NFKB1: variants seen among roughly 807,000 people sequenced by gnomAD.
NFKB1 encodes the protein nuclear factor NF-kappa-B p105 subunit.
A neutral mutation model predicts 105.1 loss-of-function variants in NFKB1; 9 were observed. The observed-to-expected ratio is 0.09, with a 90% CI of 0.05 to 0.15. The LOEUF is 0.15. Among genes scored for constraint, NFKB1 ranks in the 10% least tolerant of loss-of-function variants. The probability of loss-of-function intolerance (pLI) is 1.00; values close to 1 mark genes in which losing one functional copy is unlikely to be tolerated. For missense variants in NFKB1, 830 were observed against 1,203.7 expected (o/e 0.69, Z 4.59); for synonymous variants, 440 against 442.2 (o/e 1.00, Z 0.06).
chr4:102,577,000 T>A lies in NFKB1; in HGVS notation c.532T>A (p.Tyr178Asn), dbSNP rs1425802039. The A allele has an allele frequency of 3.7e-6, 6 of 1,613,022 alleles. No homozygotes were observed. Among genetic ancestry groups the A allele is most frequent in the Non-Finnish European group, 5.1e-6 (6 of 1,179,750 alleles). ...PGLLVHPDLAYLQAEGGGDRQ... is the reference protein window; with the variant it reads ...PGLLVHPDLANLQAEGGGDRQ... ...ACTCTTGGTGCACCCTGACCTTGCC[T>A]ATTTGCAAGCAGAAGGTGGAGGGGA... The change falls in exon 7 of 24, where the codon TAT (tyrosine) becomes AAT (asparagine). Residue 178 changes from tyrosine (Y) to asparagine (N), a missense_variant. Transcript: ENST00000226574.
chr4:102,509,533 G>A (rs957517296), intron 1 of NFKB1, among the ~76,000 whole-genome samples: 2 of 152,246 alleles, frequency 1.3e-5, no homozygotes, highest in Admixed American at 6.5e-5. Context: ...GTCATTCAAG[G>A]CAAGCTACAG....
intron 1 of NFKB1, among the ~76,000 whole-genome samples, chr4:102,516,065 G>A (rs1445371546): frequency 1.3e-5 from 2 of 151,504 alleles, no homozygotes; most frequent in African/African-American, 4.9e-5. Flanking sequence ...CCTTTACATT[G>A]CCTTCTAGCT....
At chr4:102,611,280 A>G (rs1041841960) in intron 20 of NFKB1, among the ~76,000 whole-genome samples, 3 of 152,130 alleles carry the variant, frequency 2.0e-5, no homozygotes, top group Admixed American at 6.5e-5. Flanking sequence ...TCTTCTAGAG[A>G]CGAGAGCTGC....
chr4:102,555,430 TAGAG>T (rs1722917218), intron 5 of NFKB1, among the ~76,000 whole-genome samples: 2 of 152,324 alleles, frequency 1.3e-5, no homozygotes, highest in African/African-American at 4.8e-5. Flanking sequence ...ATCCATTTAA[TAGAG>T]AGACGAAGAT....
intron 1 of NFKB1, among the ~76,000 whole-genome samples, chr4:102,506,546 T>A (rs1442895434): frequency 6.6e-6 from 1 of 152,220 alleles, no homozygotes; most frequent in East Asian, 1.9e-4. Flanking sequence ...TAGCACAGTT[T>A]GTTCATTATT....
intron 1 of NFKB1, among the ~76,000 whole-genome samples, chr4:102,523,186 A>C (rs1740678690): frequency 1.3e-5 from 2 of 152,170 alleles, no homozygotes; most frequent in South Asian, 2.1e-4. Flanking sequence ...AGAACTCTTA[A>C]ATTTCAAGCG....
chr4:102,613,456 A>C lies in NFKB1; in HGVS notation c.2624A>C (p.Glu875Ala). The C allele has an allele frequency of 6.2e-7, 1 of 1,613,870 alleles. No homozygotes were observed. Among genetic ancestry groups the C allele is most frequent in the Non-Finnish European group, 8.5e-7 (1 of 1,179,950 alleles). Residue 875 changes from glutamate (E) to alanine (A), a missense_variant, in exon 23 of 24, where the codon GAG becomes GCG. Around this residue, in one of 8 missense-constraint regions of NFKB1, gnomAD observed 418 missense variants for 575.3 expected, o/e 0.73. Coordinates refer to ENST00000226574, the MANE Select transcript of NFKB1 (RefSeq NM_003998.4). ...VSGGTVRELV[E>A]ALRQMGYTEA... ...GGGGGTACAGTCAGAGAGCTGGTGG[A>C]GGCCCTGAGACAAATGGGCTACACC...
At chr4:102,605,889 AT>A (rs1727676027) in intron 16 of NFKB1, among the ~76,000 whole-genome samples, 1 of 152,230 alleles carries the variant, frequency 6.6e-6, no homozygotes, top group South Asian at 2.1e-4. Flanking sequence ...TCAGCATAGA[AT>A]CATGGCACTT....
At position 102,510,843 on chromosome 4, in the gene NFKB1, G is replaced by A. The variant is rs867846969; in HGVS notation, c.-8+9055G>A. On this transcript the variant is annotated intron_variant, in intron 1 of 23. Coordinates refer to ENST00000226574, the MANE Select transcript of NFKB1 (RefSeq NM_003998.4). ...TGGAGGGAGAAGAAGGGGAGGTGGTGGTAGTATGAGCTGAATCCTCCTCTG... is the reference window on the plus strand; with the variant it reads ...TGGAGGGAGAAGAAGGGGAGGTGGTAGTAGTATGAGCTGAATCCTCCTCTG... The A allele has an allele frequency of 8.2e-5, 62 of 751,612 alleles. No homozygotes were observed. The Middle Eastern group carries it at 3.4e-3, about 41-fold the overall frequency. The allele number at this position is 751,612 out of a possible 1,614,324, so 46.6% of individuals were successfully genotyped here.
intron 5 of NFKB1, among the ~76,000 whole-genome samples, chr4:102,542,171 C>G (rs230521): frequency 0.59 from 89,207 of 151,958 alleles, 26,371 homozygotes; most frequent in Middle Eastern, 0.71. Flanking sequence ...GCATTTTCTA[C>G]TGGAATAGTG....
intron 16 of NFKB1, among the ~76,000 whole-genome samples, chr4:102,605,748 A>ATG (rs1727663420): frequency 6.6e-6 from 1 of 152,152 alleles, no homozygotes; most frequent in East Asian, 1.9e-4. Flanking sequence ...AGATACTTGT[A>ATG]TTATCCTGGT....
intron 5 of NFKB1, among the ~76,000 whole-genome samples, chr4:102,551,364 G>GCGCGCGCGCA (rs1481555874): frequency 2.2e-5 from 2 of 88,908 alleles, no homozygotes; most frequent in Admixed American, 9.5e-5. Flanking sequence ...GTGTGTGTGT[G>GCGCGCGCGCA]TGTGCGCGCG....
Position 102,607,169 on chromosome 4 carries a change from A to G in NFKB1, c.1974A>G (p.Leu658=). 1 of 1,614,106 alleles carries G rather than the reference A, an allele frequency of 6.2e-7. No individual in the cohort carries two copies. The highest frequency in any genetic ancestry group is 8.5e-7 in the Non-Finnish European group (1 of 1,180,018). ...CTCTAGGTCTGAATGCCATTCATCT[A>G]GCCATGATGAGCAATAGCCTGCCAT... ...PNGDGLNAIH[L]AMMSNSLPCL... is the part of the protein sequence containing the mutation. The change falls in exon 18 of 24, where the codon CTA becomes CTG. Residue 658 remains leucine (L), a synonymous_variant. Transcript: ENST00000226574.
intron 6 of NFKB1, among the ~76,000 whole-genome samples, 178 bp from the exon 7 acceptor site, chr4:102,576,698 G>T (rs1178051074): frequency 6.6e-6 from 1 of 151,950 alleles, no homozygotes; most frequent in African/African-American, 2.4e-5. Context: ...GCCATATATT[G>T]CCTTTTTAAC....
intron 14 of NFKB1, among the ~76,000 whole-genome samples, chr4:102,596,665 C>G (rs1273683584): frequency 6.6e-6 from 1 of 151,946 alleles, no homozygotes; most frequent in African/African-American, 2.4e-5. Flanking sequence ...TAATAGTCAC[C>G]CTGTCTAGAT....
Position 102,567,044 on chromosome 4 carries a change from A to C in NFKB1, c.316A>C (p.Asn106His). 6.2e-7 allele frequency: 1 copy of C among 1,614,026 alleles called. No homozygotes were observed. Among genetic ancestry groups the C allele is most frequent in the Non-Finnish European group, 8.5e-7 (1 of 1,179,918 alleles). Reference protein sequence around the residue: ...VIVQLVTNGKNIHLHAHSLVG... With the variant: ...VIVQLVTNGKHIHLHAHSLVG... ...TGTTCAGTTGGTCACAAATGGAAAA[A>C]ATATCCACCTGCATGCCCACAGCCT... Residue 106 changes from asparagine to histidine, a missense_variant, in exon 6 of 24, where the codon AAT (asparagine) becomes CAT (histidine). Coordinates refer to ENST00000226574, the MANE Select transcript of NFKB1 (RefSeq NM_003998.4).
Position 102,584,801 on chromosome 4 carries a change from C to G in NFKB1, c.1047C>G (p.Leu349=). The change falls in exon 11 of 24, where the codon CTC becomes CTG. Residue 349 remains leucine, a synonymous_variant. Coordinates refer to ENST00000226574, the MANE Select transcript of NFKB1 (RefSeq NM_003998.4). ...AAACTAGTGAACCAAAACCTTTCCT[C>G]TACTATCCTGAAATCAAAGGTAAGT... The part of the protein sequence containing the change: ...DLETSEPKPF[L]YYPEIKDKEE... 5.6e-6 allele frequency: 9 copies of G among 1,609,574 alleles called. No homozygotes were observed. The highest frequency in any genetic ancestry group is 7.6e-6 in the Non-Finnish European group (9 of 1,178,274).
At chr4:102,525,699 A>G (rs1740866570) in intron 2 of NFKB1, 142 bp downstream of exon 2, 5 of 729,606 alleles carry the variant, frequency 6.9e-6, no homozygotes, top group Non-Finnish European at 1.1e-5. Context: ...CTGTCCTTTC[A>G]TGTGAAGTTG....
chr4:102,566,451 C>T (rs1487037421), intron 5 of NFKB1, among the ~76,000 whole-genome samples: 7 of 152,196 alleles, frequency 4.6e-5, no homozygotes, highest in Admixed American at 4.6e-4. Context: ...GCCAAGTCCT[C>T]AGGCTTGAGT....
Sources: allele counts gnomAD v4.1 joint callset (sites outside exome capture counted in the v4.1 genomes callset), GRCh38; gene constraint gnomAD v4.1.1; regional missense constraint gnomAD v4.1.1; transcripts MANE v1.5; gene names NCBI Gene and HGNC (gene_info 2026-07-23, HGNC 2026-07-21).